The following UBR7 variants were observed in gnomAD, a reference collection of about 807,000 sequenced individuals.
UBR7 encodes the protein putative E3 ubiquitin-protein ligase UBR7.
In UBR7, 22 loss-of-function variants were observed where a neutral mutation model predicts 57.0. The observed-to-expected ratio is 0.39, with a 90% CI of 0.28 to 0.55. UBR7 has a LOEUF of 0.55. Ranked by LOEUF, UBR7 falls within the 20% of genes least tolerant of loss-of-function variation. UBR7 has a pLI of 0.69. For missense variants in UBR7, 395 were observed against 513.2 expected, an observed-to-expected ratio of 0.77 and a Z score of 2.23; for synonymous variants, 167 against 179.8, an observed-to-expected ratio of 0.93 and a Z score of 0.57.
At chr14:93,221,329 G>A (rs979963059) in intron 9 of UBR7, among the ~76,000 whole-genome samples, 2 of 151,966 alleles carry the variant, frequency 1.3e-5, no homozygotes, top group Non-Finnish European at 2.9e-5. Context: ...GGCCAAGCTG[G>A]TTTCGAACTT....
chr14:93,218,446 T>G, intron 6 of UBR7, 81 bp from the exon 7 acceptor site: 2 of 1,200,236 alleles, frequency 1.7e-6, no homozygotes, highest in Non-Finnish European at 2.4e-6. Context: ...AATAAGTGAT[T>G]TTATTGTCTG....
At chr14:93,208,465 T>TTA (rs535383260) in intron 1 of UBR7, among the ~76,000 whole-genome samples, 1 of 141,290 alleles carries the variant, frequency 7.1e-6, no homozygotes, top group African/African-American at 2.6e-5. Context: ...CTGCTTTACT[T>TTA]AAAAAAAAAA....
At chr14:93,215,690 A>C (rs1464177141) in intron 6 of UBR7, among the ~76,000 whole-genome samples, 3 of 83,342 alleles carry the variant, frequency 3.6e-5, no homozygotes, top group East Asian at 5.4e-4. Context: ...CTCCATCCTC[A>C]AAAAAAAAAA....
At chr14:93,226,792 CAAAA>C (rs55907535) in intron 10 of UBR7, 147 bp from the exon 11 acceptor site, 3,125 of 343,562 alleles carry the variant, frequency 9.1e-3, no homozygotes, top group Middle Eastern at 0.022. Context: ...CACTCCATCT[CAAAA>C]AAAAAAAAAA....
Position 93,227,948 on chromosome 14 carries a change from T to C in UBR7, c.*913T>C, listed in dbSNP as rs1257160347. The C allele has an allele frequency of 4.3e-6, 3 of 700,452 alleles. No homozygotes were observed. Among genetic ancestry groups the C allele is most frequent in the Non-Finnish European group, 7.8e-6 (3 of 384,804 alleles). The allele number at this position is 700,452 out of a possible 1,614,324, so 43.4% of individuals were successfully genotyped here. On this transcript the variant is annotated 3_prime_UTR_variant, in exon 11 of 11. Transcript: ENST00000013070. ...TAAGCATATATCAAAAATGGACCTA[T>C]TTTGATATTCTGTTATGAAAATGTT...
In UBR7 at chr14:93,215,168, A is replaced by G; in HGVS notation, c.496-8A>G. ...CACAAGAAAATTTTTGGTGTTCTATATTCACAGCATCTTGGTGCCATTCCC... is the reference window on the plus strand; with the variant it reads ...CACAAGAAAATTTTTGGTGTTCTATGTTCACAGCATCTTGGTGCCATTCCC... On this transcript the variant is annotated splice_polypyrimidine_tract_variant and splice_region_variant and intron_variant, in intron 5 of 10. Coordinates refer to ENST00000013070, the MANE Select transcript of UBR7 (RefSeq NM_175748.4). The G allele has an allele frequency of 6.4e-7, 1 of 1,565,406 alleles. No individual in the cohort carries two copies. The highest frequency in any genetic ancestry group is 1.2e-5 in the South Asian group (1 of 85,240).
intron 6 of UBR7, 49 bp from the exon 7 acceptor site, chr14:93,218,478 G>T: frequency 6.8e-7 from 1 of 1,473,448 alleles, no homozygotes; most frequent in South Asian, 1.1e-5. Context: ...TTGTCCGTTA[G>T]GTCAGTGGAT....
intron 9 of UBR7, among the ~76,000 whole-genome samples, chr14:93,220,768 G>A (rs1285870311): frequency 6.6e-6 from 1 of 152,048 alleles, no homozygotes; most frequent in African/African-American, 2.4e-5. Context: ...GTGGTTCACA[G>A]GAAACCACTA....
In UBR7 at chr14:93,220,509, G is replaced by T. The variant is rs542155048; in HGVS notation, c.1123+98G>T. The T allele has an allele frequency of 6.5e-4, 932 of 1,442,144 alleles. 5 individuals are homozygous for T. In the African/African-American group the frequency reaches 0.012, roughly 19 times the overall value. The allele number at this position is 1,442,144 out of a possible 1,614,324, so 89.3% of individuals were successfully genotyped here. A position where few individuals can be genotyped will look rare whatever the true frequency, so the allele number is the denominator to read the frequency against. ...ACCTATATTTTTAATTTAATACAAAGAATTAAAATTTTGAATTTTAGACCA... is the reference window on the plus strand; with the variant it reads ...ACCTATATTTTTAATTTAATACAAATAATTAAAATTTTGAATTTTAGACCA... On this transcript the variant is annotated intron_variant, in intron 9 of 10. Transcript: ENST00000013070.
At chr14:93,208,689 T>A (rs1894418566) in intron 1 of UBR7, among the ~76,000 whole-genome samples, 2 of 148,550 alleles carry the variant, frequency 1.3e-5, no homozygotes, top group African/African-American at 2.5e-5. Flanking sequence ...AATAGAACTT[T>A]AAAAAAAAAA....
chr14:93,212,101 A>G lies in UBR7; in HGVS notation c.415A>G (p.Arg139Gly). 1 of 1,612,888 alleles carries G rather than the reference A, an allele frequency of 6.2e-7. No homozygotes were observed. Among genetic ancestry groups the G allele is most frequent in the Non-Finnish European group, 8.5e-7 (1 of 1,179,292 alleles). ...TTTTGGATTGTACTGCATTTGCAAG[A>G]GACCTTATCCTGATCCTGAAGACGA... ...NFFGLYCICK[R>G]PYPDPEDEIP... The change falls in exon 4 of 11, where the codon AGA (arginine) becomes GGA (glycine). Residue 139 changes from arginine to glycine, a missense_variant. Coordinates refer to ENST00000013070, the MANE Select transcript of UBR7 (RefSeq NM_175748.4).
Position 93,228,231 on chromosome 14 carries a change from C to T in UBR7, c.*1196C>T. The T allele has an allele frequency of 2.1e-6, 1 of 485,938 alleles. No individual in the cohort carries two copies. Among genetic ancestry groups the T allele is most frequent in the Non-Finnish European group, 4.0e-6 (1 of 247,992 alleles). 30.1% of individuals were successfully genotyped at this position (485,938 alleles called of 1,614,324 possible). A position where few individuals can be genotyped will look rare whatever the true frequency, so the allele number is the denominator to read the frequency against. ...TCATGGAAGGTTGTACAGAGCCCCA[C>T]ATTTGAGGGGAAGTCCTTTCAGTTG... On this transcript the variant is annotated 3_prime_UTR_variant, in exon 11 of 11. Coordinates refer to ENST00000013070, the MANE Select transcript of UBR7 (RefSeq NM_175748.4).
intron 1 of UBR7, among the ~76,000 whole-genome samples, chr14:93,208,621 C>G (rs112511497): frequency 6.6e-6 from 1 of 150,948 alleles, no homozygotes; most frequent in Non-Finnish European, 1.5e-5. Flanking sequence ...GGAAAGTGTG[C>G]GTGTTCCCAC....
At chr14:93,210,426 T>A (rs901917143) in intron 2 of UBR7, among the ~76,000 whole-genome samples, 8 of 152,358 alleles carry the variant, frequency 5.3e-5, no homozygotes, top group African/African-American at 1.7e-4. Context: ...TGGAGAGAGT[T>A]GTTTCTAGAG....
At chr14:93,212,005 A>G in intron 3 of UBR7, 27 bp from the exon 4 acceptor site, 1 of 1,514,176 alleles carries the variant, frequency 6.6e-7, no homozygotes, top group Non-Finnish European at 9.1e-7. Context: ...AGACCATATT[A>G]TTATTGAAAT....
chr14:93,213,365 T>C (rs1009206388), intron 4 of UBR7, among the ~76,000 whole-genome samples: 1 of 151,862 alleles, frequency 6.6e-6, no homozygotes, highest in Non-Finnish European at 1.5e-5. Context: ...TGGAATGCAG[T>C]GGCGCGATCT....
chr14:93,219,165 A>T (rs1402814952), intron 7 of UBR7, 47 bp from the exon 8 acceptor site: 1 of 1,596,152 alleles, frequency 6.3e-7, no homozygotes, highest in South Asian at 1.1e-5. Context: ...AACTATGAAA[A>T]CTATGGTAGT....
chr14:93,222,719 G>A (rs1414975999), intron 10 of UBR7, among the ~76,000 whole-genome samples: 1 of 151,948 alleles, frequency 6.6e-6, no homozygotes, highest in Non-Finnish European at 1.5e-5. Flanking sequence ...CCCCAGCCTG[G>A]GCGACAGAGC....
At chr14:93,224,620 G>A (rs368212694) in intron 10 of UBR7, among the ~76,000 whole-genome samples, 45 of 152,078 alleles carry the variant, frequency 3.0e-4, no homozygotes, top group Middle Eastern at 3.4e-3. Context: ...CTTGTGATCC[G>A]CCCACCTTGG....
Sources: allele counts gnomAD v4.1 joint callset (sites outside exome capture counted in the v4.1 genomes callset), GRCh38; gene constraint gnomAD v4.1.1; transcripts MANE v1.5; gene names NCBI Gene and HGNC (gene_info 2026-07-23, HGNC 2026-07-21).